Variants in SHQ1 observed in about 807,000 individuals in gnomAD.
SHQ1 encodes the protein SHQ1, H/ACA ribonucleoprotein assembly factor.
A neutral mutation model predicts 53.8 loss-of-function variants in SHQ1; 49 were observed. The ratio of observed to expected loss-of-function variants is 0.91; its 90% CI spans 0.72 to 1.16. The LOEUF (loss-of-function observed/expected upper bound fraction) is 1.16. Among genes scored for constraint, SHQ1 ranks in the 50% most tolerant of loss-of-function variants. SHQ1 has a pLI of 0.00. For synonymous variants in SHQ1, 243 were observed against 251.0 expected, an observed-to-expected ratio of 0.97 and a Z score of 0.30; for missense variants, 738 against 683.1, an observed-to-expected ratio of 1.08 and a Z score of -0.90.
At chr3:72,802,521 T>C (rs1706820566) in intron 9 of SHQ1, among the ~76,000 whole-genome samples, 1 of 152,326 alleles carries the variant, frequency 6.6e-6, no homozygotes. Context: ...TCTACCTTTA[T>C]CCTACCATTC....
chr3:72,791,046 T>C (rs1315352738), intron 10 of SHQ1, among the ~76,000 whole-genome samples: 2 of 152,178 alleles, frequency 1.3e-5, no homozygotes, highest in Non-Finnish European at 2.9e-5. Flanking sequence ...TGGCAGCCTA[T>C]ATCTTTCTTC....
At chr3:72,767,063 G>A (rs969108717) in intron 10 of SHQ1, among the ~76,000 whole-genome samples, 2 of 152,192 alleles carry the variant, frequency 1.3e-5, no homozygotes, top group African/African-American at 2.4e-5. Flanking sequence ...TGACAAAGAT[G>A]AAGCCTAGAG....
At chr3:72,825,987 T>C (rs1222947619) in intron 5 of SHQ1, among the ~76,000 whole-genome samples, 1 of 152,190 alleles carries the variant, frequency 6.6e-6, no homozygotes. Flanking sequence ...TGGGGTACTA[T>C]CAATATCCTC....
chr3:72,827,663 G>A (rs1280650551), intron 5 of SHQ1, among the ~76,000 whole-genome samples: 5 of 151,978 alleles, frequency 3.3e-5, no homozygotes, highest in East Asian at 1.9e-4. Context: ...ATGAACAAGC[G>A]CTGACGGTGA....
chr3:72,792,803 A>AC (rs1559674443), intron 10 of SHQ1, 113 bp downstream of exon 10: 17 of 762,514 alleles, frequency 2.2e-5, no homozygotes, highest in South Asian at 5.9e-5. Context: ...AAAAAAAAAA[A>AC]AAAAAAAACA....
At chr3:72,842,584 C>A (rs927082218) in intron 2 of SHQ1, among the ~76,000 whole-genome samples, 182 bp from the exon 3 acceptor site, 25 of 151,652 alleles carry the variant, frequency 1.6e-4, no homozygotes, top group African/African-American at 6.1e-4. Context: ...ATAATAAAAT[C>A]ATTTTAATTA....
the SHQ1 span, among the ~76,000 whole-genome samples, chr3:72,730,448 C>T: frequency 2.6e-5 from 4 of 152,174 alleles, no homozygotes; most frequent in Non-Finnish European, 5.9e-5. Flanking sequence ...CATTAACAAA[C>T]ATATGATATA....
In SHQ1 at chr3:72,817,272, C is replaced by A; in HGVS notation, c.840G>T (p.Leu280=). The A allele has an allele frequency of 6.2e-7, 1 of 1,613,756 alleles. No homozygotes were observed. Among genetic ancestry groups the A allele is most frequent in the Non-Finnish European group, 8.5e-7 (1 of 1,179,768 alleles). The part of the protein sequence containing the change: ...QVCYSLIDIL[L]AYCYETRVTE... ...TGACACGGGTTTCATAGCAATATGC[C>A]AGAAGGATATCAATCAAACTGTAGC... The change falls in exon 7 of 11, where the codon CTG becomes CTT. Residue 280 remains leucine (L), a synonymous_variant. Transcript: ENST00000325599.
chr3:72,783,754 A>G (rs1212213831), intron 10 of SHQ1, among the ~76,000 whole-genome samples: 6 of 152,210 alleles, frequency 3.9e-5, no homozygotes, highest in Non-Finnish European at 8.8e-5. Flanking sequence ...GTCTGGATTC[A>G]TGATGATTAG....
downstream of SHQ1, among the ~76,000 whole-genome samples, chr3:72,745,158 TA>T (rs1217714467): frequency 1.3e-5 from 2 of 150,130 alleles, no homozygotes; most frequent in East Asian, 3.9e-4. Context: ...TTTTTTTTTT[TA>T]AATAATTTTA....
At chr3:72,825,201 T>C (rs185407009) in intron 5 of SHQ1, among the ~76,000 whole-genome samples, 2 of 152,074 alleles carry the variant, frequency 1.3e-5, no homozygotes, top group Non-Finnish European at 2.9e-5. Flanking sequence ...TGAAGACACA[T>C]TGGACTGAAA....
chr3:72,757,865 C>G (rs1350163349), intron 10 of SHQ1, among the ~76,000 whole-genome samples: 4 of 152,122 alleles, frequency 2.6e-5, no homozygotes, highest in African/African-American at 4.8e-5. Context: ...GGAAAAACAA[C>G]TAATAAGTAC....
chr3:72,792,932 A>G lies in SHQ1; in HGVS notation c.1165T>C (p.Trp389Arg). 6.2e-7 allele frequency: 1 copy of G among 1,607,880 alleles called. No homozygotes were observed. Among genetic ancestry groups the G allele is most frequent in the Non-Finnish European group, 8.5e-7 (1 of 1,179,028 alleles). Residue 389 changes from tryptophan (W) to arginine (R), a missense_variant, in exon 10 of 11, where the codon TGG becomes CGG. By Grantham distance (101) the Trp-to-Arg change is moderately radical. Transcript: ENST00000325599. ...AAAACTTACTTGACTTTCTGAATCCACACACAGTAGTCTGAGATGTAGAGA... is the reference window on the plus strand; with the variant it reads ...AAAACTTACTTGACTTTCTGAATCCGCACACAGTAGTCTGAGATGTAGAGA... ...NDLYISDYCV[W>R]IQKVKSKKLA... is the part of the protein sequence containing the mutation.
At chr3:72,751,471 C>T (rs1183315591) in intron 10 of SHQ1, among the ~76,000 whole-genome samples, 1 of 121,530 alleles carries the variant, frequency 8.2e-6, no homozygotes, top group African/African-American at 3.5e-5. Flanking sequence ...CTATAATAAG[C>T]ACATATGTGT....
chr3:72,844,474 A>G lies in SHQ1; in HGVS notation c.144-51T>C, dbSNP rs756957076. ...AAGTCCTTAAATTATAACGTAACATAAGTGGCCATCAATACTTGCAAACAT... is the reference window on the plus strand; with the variant it reads ...AAGTCCTTAAATTATAACGTAACATGAGTGGCCATCAATACTTGCAAACAT... On this transcript the variant is annotated intron_variant, in intron 1 of 10. Coordinates refer to ENST00000325599, the MANE Select transcript of SHQ1 (RefSeq NM_018130.3). 44 of 1,412,482 alleles carry G rather than the reference A, an allele frequency of 3.1e-5. No individual in the cohort carries two copies. In the Admixed American group the frequency reaches 7.0e-4, roughly 23 times the overall value. 87.5% of individuals were successfully genotyped at this position (1,412,482 alleles called of 1,614,324 possible).
chr3:72,817,319 T>C lies in SHQ1; in HGVS notation c.793A>G (p.Lys265Glu). ...TAGCACACTTGACGACAGGCTCTCT[T>C]GTCCAGCAGATAAGATTTATTGACA... ...KFVNKSYLLD[K>E]RACRQVCYSL... Residue 265 changes from lysine (K) to glutamate (E), a missense_variant, in exon 7 of 11, where the codon AAG (lysine) becomes GAG (glutamate). Transcript: ENST00000325599. 1.2e-6 allele frequency: 2 copies of C among 1,613,862 alleles called. No individual in the cohort carries two copies. Among genetic ancestry groups the C allele is most frequent in the African/African-American group, 1.3e-5 (1 of 75,040 alleles).
At chr3:72,732,384 G>GCCTTCCTTCCTTCCTTCCTTCCTTCCTT in the SHQ1 span, among the ~76,000 whole-genome samples, 5 of 87,048 alleles carry the variant, frequency 5.7e-5, no homozygotes, top group African/African-American at 9.9e-5. Flanking sequence ...CTGCCTGCCT[G>GCCTTCCTTCCTTCCTTCCTTCCTTCCTT]CCTGCCTTCC....
chr3:72,796,197 AAGG>A (rs1706615918), intron 9 of SHQ1, among the ~76,000 whole-genome samples: 1 of 152,112 alleles, frequency 6.6e-6, no homozygotes, highest in Non-Finnish European at 1.5e-5. Flanking sequence ...TAAGGAAAAA[AAGG>A]AGAATAAGCA....
intron 10 of SHQ1, among the ~76,000 whole-genome samples, chr3:72,757,414 C>T (rs1268234644): frequency 3.5e-5 from 5 of 142,338 alleles, no homozygotes; most frequent in African/African-American, 1.3e-4. Flanking sequence ...GATGGGGTCT[C>T]ACTGCATTGC....
Sources: allele counts gnomAD v4.1 joint callset (sites outside exome capture counted in the v4.1 genomes callset), GRCh38; gene constraint gnomAD v4.1.1; transcripts MANE v1.5; gene names NCBI Gene and HGNC (gene_info 2026-07-23, HGNC 2026-07-21).